The following RANBP3 variants were observed in gnomAD, a reference collection of about 807,000 sequenced individuals.
The protein encoded by RANBP3 is RAN binding protein 3, also known as ran-binding protein 3.
A neutral mutation model predicts 77.3 loss-of-function variants in RANBP3; 14 were observed. The ratio of observed to expected loss-of-function variants is 0.18; its 90% CI spans 0.12 to 0.28. RANBP3 has a LOEUF of 0.28. Among genes scored for constraint, RANBP3 ranks in the 10% least tolerant of loss-of-function variants. The probability of loss-of-function intolerance (pLI) is 1.00; values close to 1 mark genes in which losing one functional copy is unlikely to be tolerated. For synonymous variants in RANBP3, 315 were observed against 312.4 expected (o/e 1.01, Z -0.09); for missense variants, 586 against 752.3 (o/e 0.78, Z 2.59).
intron 15 of RANBP3, 75 bp downstream of exon 15, chr19:5,918,421 T>C: frequency 2.4e-6 from 1 of 415,012 alleles, no homozygotes. Context: ...CCGTCCTGCC[T>C]GATCTGTGTG....
At chr19:5,927,120 A>C (rs1321717001) in intron 9 of RANBP3, among the ~76,000 whole-genome samples, 1 of 152,076 alleles carries the variant, frequency 6.6e-6, no homozygotes, top group African/African-American at 2.4e-5. Flanking sequence ...GCTTTGAAAG[A>C]AGCTTCTTGC....
At chr19:5,948,189 G>T (rs1599763686) in intron 3 of RANBP3, among the ~76,000 whole-genome samples, 2 of 152,322 alleles carry the variant, frequency 1.3e-5, no homozygotes, top group Non-Finnish European at 2.9e-5. Context: ...GGTGGCTCAC[G>T]CCTGTAATCC....
At chr19:5,964,024 G>A (rs1225407187) in intron 1 of RANBP3, among the ~76,000 whole-genome samples, 2 of 152,192 alleles carry the variant, frequency 1.3e-5, no homozygotes, top group Admixed American at 1.3e-4. Flanking sequence ...AAGATGGCCT[G>A]GCCAGAAACT....
At chr19:5,968,779 G>T (rs1435822924) in intron 1 of RANBP3, among the ~76,000 whole-genome samples, 1 of 152,198 alleles carries the variant, frequency 6.6e-6, no homozygotes, top group Non-Finnish European at 1.5e-5. Context: ...TCACCAGCAG[G>T]ATCTACCAAG....
chr19:5,941,773 G>T (rs954809282), intron 4 of RANBP3, 26 bp downstream of exon 4: 39 of 1,612,256 alleles, frequency 2.4e-5, no homozygotes, highest in Non-Finnish European at 3.1e-5. Flanking sequence ...ACTGAAGATG[G>T]TCAAAGGTGT....
chr19:5,955,518 CA>C (rs995407668), intron 2 of RANBP3, among the ~76,000 whole-genome samples: 2 of 152,192 alleles, frequency 1.3e-5, no homozygotes, highest in African/African-American at 4.8e-5. Flanking sequence ...CTGCAAATCA[CA>C]AAGCAACAAA....
chr19:5,919,666 A>C (rs988344036), intron 14 of RANBP3, among the ~76,000 whole-genome samples: 11 of 152,204 alleles, frequency 7.2e-5, no homozygotes, highest in African/African-American at 2.7e-4. Context: ...TGGGAGGCCT[A>C]GGTGGGCAGA....
chr19:5,933,859 C>T (rs1599740038), intron 5 of RANBP3: 1 of 173,256 alleles, frequency 5.8e-6, no homozygotes. Flanking sequence ...CCCCACTTCC[C>T]TTTCCTAGAA....
chr19:5,957,657 G>A (rs2058351427), intron 2 of RANBP3, among the ~76,000 whole-genome samples: 1 of 151,604 alleles, frequency 6.6e-6, no homozygotes, highest in Non-Finnish European at 1.5e-5. Context: ...GAATTAGGAA[G>A]AAGCTTTCTA....
chr19:5,947,038 G>A (rs1227039514), intron 3 of RANBP3, among the ~76,000 whole-genome samples: 1 of 152,228 alleles, frequency 6.6e-6, no homozygotes, highest in Non-Finnish European at 1.5e-5. Context: ...TCCAGGCCGG[G>A]CACGGTGGCT....
chr19:5,950,215 G>A (rs1002655201), intron 3 of RANBP3, among the ~76,000 whole-genome samples: 18 of 152,192 alleles, frequency 1.2e-4, no homozygotes, highest in African/African-American at 4.1e-4. Flanking sequence ...TGGGAGGGCT[G>A]TACTCCCAGT....
chr19:5,923,168 C>T, intron 13 of RANBP3, 26 bp downstream of exon 13: 1 of 1,598,488 alleles, frequency 6.3e-7, no homozygotes, highest in Non-Finnish European at 8.6e-7. Context: ...AGACCCAGGG[C>T]CACCGAGGAG....
Position 5,923,912 on chromosome 19 carries a change from G to A in RANBP3, c.999C>T (p.Ser333=), listed in dbSNP as rs1234036704. 4 of 1,612,126 alleles carry A rather than the reference G, an allele frequency of 2.5e-6. No homozygotes were observed. In the Admixed American group the frequency reaches 6.7e-5, roughly 27 times the overall value. ...AACTGACCTCGTTTAATTTTGGGGG[G>A]CTCTGCAGGGACACAAAAGCATACA... ...FGQNMSERVL[S]PPKLNEVSSD... is the part of the protein sequence containing the mutation. The change falls in exon 12 of 17, where the codon AGC becomes AGT. Residue 333 remains serine, a splice_region_variant and synonymous_variant. Coordinates refer to ENST00000340578, the MANE Select transcript of RANBP3 (RefSeq NM_007322.3).
At position 5,932,559 on chromosome 19, in the gene RANBP3, C is replaced by T. The variant is rs369301348; in HGVS notation, c.473-15G>A. On this transcript the variant is annotated splice_polypyrimidine_tract_variant and intron_variant, in intron 6 of 16. Coordinates refer to ENST00000340578, the MANE Select transcript of RANBP3 (RefSeq NM_007322.3). ...GCTTGGCAGACCTAGGAACAGAAGG[C>T]GGCCTTCCCAGTGCCCGTGGACCCC... 1.2e-5 allele frequency: 19 copies of T among 1,611,442 alleles called. No homozygotes were observed. The highest frequency in any genetic ancestry group is 4.4e-5 in the South Asian group (4 of 91,016).
rs1045245436 is a variant in RANBP3, at chr19:5,918,739, C to T, written c.1331-101G>A. 11 of 1,436,030 alleles carry T rather than the reference C, an allele frequency of 7.7e-6. 1 individual carries two copies. The highest frequency in any genetic ancestry group is 2.4e-4 in the Middle Eastern group (1 of 4,182). The allele number at this position is 1,436,030 out of a possible 1,614,324, so 89.0% of individuals were successfully genotyped here. On this transcript the variant is annotated intron_variant, in intron 14 of 16. Coordinates refer to ENST00000340578, the MANE Select transcript of RANBP3 (RefSeq NM_007322.3). ...CAGTCCAGATGGAAAGCGACATCAC[C>T]GCGCAAAAGCCCATGATCCTCCCAG... is the stretch of plus-strand genomic sequence containing the variant.
In RANBP3 at chr19:5,957,899, G is replaced by A. The variant is rs1225208009; in HGVS notation, c.78+19C>T. 13 of 1,613,338 alleles carry A rather than the reference G, an allele frequency of 8.1e-6. 1 individual carries two copies. The South Asian group carries it at 1.4e-4, about 18-fold the overall frequency. On this transcript the variant is annotated intron_variant, in intron 2 of 16. Transcript: ENST00000340578. ...AAATTAGAGTAACGAAGTGAAGAGA[G>A]AACGTACCGGCCCCTTACCTTTTGT...
chr19:5,933,457 C>T lies in RANBP3; in HGVS notation c.429G>A (p.Arg143=). The change falls in exon 6 of 17, where the codon CGG becomes CGA. Residue 143 remains arginine (R), a synonymous_variant. Coordinates refer to ENST00000340578, the MANE Select transcript of RANBP3 (RefSeq NM_007322.3). ...CGTGGATCAGCGTTGGTGGCTTCAA[C>T]CGGAAGCCACTGCTCCTTTCCTCTA... ...SQSEERSSGF[R]LKPPTLIHGQ... 1 of 1,613,330 alleles carries T rather than the reference C, an allele frequency of 6.2e-7. No homozygotes were observed. The highest frequency in any genetic ancestry group is 1.1e-5 in the South Asian group (1 of 91,006).
At position 5,935,637 on chromosome 19, in the gene RANBP3, C is replaced by A. The variant is rs762828225; in HGVS notation, c.407-2158G>T. 1.1e-5 allele frequency: 5 copies of A among 449,230 alleles called. No homozygotes were observed. The East Asian group carries it at 3.5e-4, about 32-fold the overall frequency. The allele number at this position is 449,230 out of a possible 1,614,324, so 27.8% of individuals were successfully genotyped here. A position where few individuals can be genotyped will look rare whatever the true frequency, so the allele number is the denominator to read the frequency against. On this transcript the variant is annotated intron_variant, in intron 5 of 16. Coordinates refer to ENST00000340578, the MANE Select transcript of RANBP3 (RefSeq NM_007322.3). Reference sequence around the variant, plus strand: ...GCTGAGGGGAGCCTGGGGGCTGGCCCGAGCTGCCAAGCGGAAGCAGGAGAC... The same window carrying A: ...GCTGAGGGGAGCCTGGGGGCTGGCCAGAGCTGCCAAGCGGAAGCAGGAGAC...
chr19:5,964,715 G>C (rs569925319), intron 1 of RANBP3, among the ~76,000 whole-genome samples: 1 of 152,226 alleles, frequency 6.6e-6, no homozygotes, highest in East Asian at 1.9e-4. Context: ...GCAGCAGAGT[G>C]AGGAGTGCTG....
Sources: gnomAD v4.1 joint callset for allele counts (sites outside exome capture counted in the v4.1 genomes callset) on GRCh38, gnomAD v4.1.1 for gene constraint, MANE v1.5 for transcripts, NCBI Gene and HGNC (gene_info 2026-07-23, HGNC 2026-07-21) for gene names.